Variants in MMD2 observed in about 807,000 individuals in gnomAD.
MMD2 encodes the protein monocyte to macrophage differentiation factor 2.
A neutral mutation model predicts 33.5 loss-of-function variants in MMD2; 30 were observed. The observed-to-expected ratio is 0.90, with a 90% CI of 0.67 to 1.22. The LOEUF is 1.22. Ranked by LOEUF, MMD2 falls within the 50% of genes most tolerant of loss-of-function variation. The pLI, the probability that MMD2 is intolerant of heterozygous loss-of-function variation, is 0.00. For missense variants in MMD2, 364 were observed against 325.4 expected, an observed-to-expected ratio of 1.12 and a Z score of -0.91; for synonymous variants, 129 against 123.0, an observed-to-expected ratio of 1.05 and a Z score of -0.32.
intron 1 of MMD2, among the ~76,000 whole-genome samples, chr7:4,953,998 G>A (rs12537352): frequency 0.018 from 2,655 of 151,612 alleles, 113 homozygotes; most frequent in East Asian, 0.11. Flanking sequence ...AGCTGGGACC[G>A]CAAGCACACA....
At chr7:4,909,705 G>A in intron 6 of MMD2, 176 bp downstream of exon 6, 1 of 849,296 alleles carries the variant, frequency 1.2e-6, no homozygotes, top group Non-Finnish European at 2.0e-6. Context: ...CAAAGGACTG[G>A]ATTATAGGCA....
At chr7:4,944,284 A>G (rs1402091145) in intron 1 of MMD2, among the ~76,000 whole-genome samples, 1 of 151,870 alleles carries the variant, frequency 6.6e-6, no homozygotes, top group Non-Finnish European at 1.5e-5. Flanking sequence ...ATTGGAATCT[A>G]TTCTGAAGGA....
At chr7:4,920,396 C>T (rs1278169460) in intron 2 of MMD2, 65 bp from the exon 3 acceptor site, 12 of 1,531,450 alleles carry the variant, frequency 7.8e-6, no homozygotes, top group Admixed American at 2.0e-5. Context: ...ACCTCCTGCC[C>T]CTTCCCCGGC....
chr7:4,949,712 A>C lies in MMD2; in HGVS notation c.47+9259T>G, dbSNP rs372239705. On this transcript the variant is annotated intron_variant, in intron 1 of 6. Transcript: ENST00000401401. ...TTTTTTGTAGAGACGGGGTTTCACC[A>C]TATTGGCCAGGATGGTCTCGAACTC... 5.3e-5 allele frequency among the ~76,000 whole-genome samples: 8 copies of C among 152,134 alleles called. No individual in the cohort carries two copies. The East Asian group carries it at 9.7e-4, about 18-fold the overall frequency.
Position 4,907,534 on chromosome 7 carries a change from G to A in MMD2, c.603C>T (p.Phe201=), listed in dbSNP as rs1461808930. The change falls in exon 7 of 7, where the codon TTC becomes TTT. Residue 201 remains phenylalanine, a synonymous_variant. Coordinates refer to ENST00000401401, the MANE Select transcript of MMD2 (RefSeq NM_198403.4). The part of the protein sequence containing the change: ...GGVFYCLGMV[F]FKSDGRIPFA... ...AGGGGATCCTCCCGTCACTCTTGAA[G>A]AAGACCATGCCCAGGCAGTAGAAGA... 2 of 1,613,752 alleles carry A rather than the reference G, an allele frequency of 1.2e-6. No individual in the cohort carries two copies. Among genetic ancestry groups the A allele is most frequent in the East Asian group, 2.2e-5 (1 of 44,878 alleles).
At chr7:4,917,071 CA>C (rs1562479087) in intron 3 of MMD2, among the ~76,000 whole-genome samples, 1 of 150,302 alleles carries the variant, frequency 6.7e-6, no homozygotes, top group Admixed American at 6.6e-5. Flanking sequence ...GATCCTGTCT[CA>C]AAAAAAAAGT....
chr7:4,943,846 G>A (rs1785978631), intron 1 of MMD2, among the ~76,000 whole-genome samples: 1 of 151,822 alleles, frequency 6.6e-6, no homozygotes, highest in Non-Finnish European at 1.5e-5. Flanking sequence ...CTGTCACTCA[G>A]GCTAGAGTGC....
intron 1 of MMD2, among the ~76,000 whole-genome samples, chr7:4,950,180 C>T (rs896127985): frequency 3.9e-5 from 6 of 151,926 alleles, no homozygotes; most frequent in Admixed American, 1.3e-4. Flanking sequence ...CTCACCACAA[C>T]CTCCACCTCC....
intron 6 of MMD2, among the ~76,000 whole-genome samples, chr7:4,909,425 G>A (rs368414267): frequency 8.6e-6 from 1 of 115,636 alleles, no homozygotes; most frequent in African/African-American, 4.0e-5. Flanking sequence ...GGGAGATCCT[G>A]CCTCTACAAA....
intron 1 of MMD2, among the ~76,000 whole-genome samples, chr7:4,938,923 G>A (rs1471681726): frequency 2.0e-5 from 3 of 152,024 alleles, no homozygotes; most frequent in Non-Finnish European, 4.4e-5. Context: ...GTTGGGGAGG[G>A]GAGGCTGGGC....
rs886969070 is a variant in MMD2 at position 4,940,792 on chromosome 7, G to C, written c.48-15260C>G. ...GCTTGCATCTCGTGCCAGAGGCGCG[G>C]GACTCTGGCATGATCTGCAGGAGAC... On this transcript the variant is annotated intron_variant, in intron 1 of 6. Coordinates refer to ENST00000401401, the MANE Select transcript of MMD2 (RefSeq NM_198403.4). The surrounding 1 kb of genome is among the most constrained non-coding windows in gnomAD (Gnocchi z 5.0). Among the ~76,000 whole-genome samples the C allele has an allele frequency of 1.3e-5, 2 of 152,152 alleles. No homozygotes were observed. The highest frequency in any genetic ancestry group is 2.9e-5 in the Non-Finnish European group (2 of 68,028).
At chr7:4,926,517 C>A (rs539734692) in intron 1 of MMD2, among the ~76,000 whole-genome samples, 14 of 152,232 alleles carry the variant, frequency 9.2e-5, no homozygotes, top group African/African-American at 3.4e-4. Flanking sequence ...AGAGCTACGG[C>A]TCACTCCTCA....
the MMD2 span, among the ~76,000 whole-genome samples, chr7:4,892,862 G>A: frequency 6.6e-6 from 1 of 151,864 alleles, no homozygotes; most frequent in Non-Finnish European, 1.5e-5. Context: ...ACTACTAGGC[G>A]TGCCACCACA....
At chr7:4,921,392 G>T (rs182606684) in intron 2 of MMD2, among the ~76,000 whole-genome samples, 1 of 151,612 alleles carries the variant, frequency 6.6e-6, no homozygotes, top group African/African-American at 2.4e-5. Context: ...AGGCCGAGGC[G>T]GGCAGATCAC....
intron 1 of MMD2, among the ~76,000 whole-genome samples, chr7:4,945,280 TC>T (rs1786044351): frequency 6.9e-6 from 1 of 144,248 alleles, no homozygotes; most frequent in South Asian, 2.3e-4. Flanking sequence ...TCTTTTTTTT[TC>T]TTTTTTTGAG....
chr7:4,933,914 T>TG (rs1356332351), intron 1 of MMD2, among the ~76,000 whole-genome samples: 11 of 149,324 alleles, frequency 7.4e-5, no homozygotes, highest in African/African-American at 2.7e-4. Flanking sequence ...ATTACAGGCA[T>TG]GAGACACTGT....
chr7:4,925,756 T>C (rs1030228123), intron 1 of MMD2, among the ~76,000 whole-genome samples: 9 of 152,238 alleles, frequency 5.9e-5, no homozygotes, highest in African/African-American at 1.9e-4. Context: ...TAATCCCCAA[T>C]GCAGTATTTG....
intron 1 of MMD2, among the ~76,000 whole-genome samples, chr7:4,957,173 A>AAAT (rs1554274443): frequency 2.2e-4 from 28 of 127,380 alleles, no homozygotes; most frequent in African/African-American, 7.5e-4. Flanking sequence ...CAAAAAAAAA[A>AAAT]ATATATATAT....
chr7:4,950,711 TC>T (rs1285630957), intron 1 of MMD2, among the ~76,000 whole-genome samples: 1 of 132,422 alleles, frequency 7.6e-6, no homozygotes, highest in African/African-American at 2.7e-5. Context: ...TTTCTTTCCT[TC>T]TTTTTTTTTT....
Sources: allele counts gnomAD v4.1 joint callset (sites outside exome capture counted in the v4.1 genomes callset), GRCh38; gene constraint gnomAD v4.1.1; non-coding constraint Gnocchi (gnomAD v3.1); transcripts MANE v1.5; gene names NCBI Gene and HGNC (gene_info 2026-07-23, HGNC 2026-07-21).